Variants in NKAIN2 observed in about 807,000 individuals in gnomAD.
NKAIN2 encodes the protein sodium/potassium transporting ATPase interacting 2.
Under a neutral mutation model 32.6 loss-of-function variants are expected in NKAIN2, and 14 were observed. The observed-to-expected ratio is 0.43, with a 90% CI of 0.28 to 0.67. The LOEUF (loss-of-function observed/expected upper bound fraction) is 0.67. Among genes scored for constraint, NKAIN2 ranks in the 30% least tolerant of loss-of-function variants. The probability of loss-of-function intolerance (pLI) is 0.17; values close to 1 mark genes in which losing one functional copy is unlikely to be tolerated. For missense variants in NKAIN2, 198 were observed against 258.3 expected (o/e 0.77, Z 1.60); for synonymous variants, 80 against 87.2 (o/e 0.92, Z 0.46).
At chr6:124,696,556 T>C (rs1381983617) in intron 4 of NKAIN2, among the ~76,000 whole-genome samples, 1 of 152,120 alleles carries the variant, frequency 6.6e-6, no homozygotes, top group South Asian at 2.1e-4. Context: ...AAGCCTGATA[T>C]TGCCTCATAG....
chr6:124,302,086 T>TC (rs1796313704), intron 2 of NKAIN2, among the ~76,000 whole-genome samples: 1 of 152,122 alleles, frequency 6.6e-6, no homozygotes, highest in African/African-American at 2.4e-5. Context: ...GGGGGCCACT[T>TC]CCCCCATACT....
chr6:124,679,615 C>G (rs970538406), intron 4 of NKAIN2, among the ~76,000 whole-genome samples: 2 of 152,138 alleles, frequency 1.3e-5, no homozygotes, highest in Non-Finnish European at 2.9e-5. Context: ...AAGAATGGAT[C>G]CATGTGTTAG....
At chr6:124,273,551 A>G (rs954150834) in intron 1 of NKAIN2, among the ~76,000 whole-genome samples, 1 of 152,200 alleles carries the variant, frequency 6.6e-6, no homozygotes, top group African/African-American at 2.4e-5. Context: ...AGATATTAGC[A>G]TATATCATAG....
At chr6:124,450,393 T>C (rs1190598526) in intron 3 of NKAIN2, among the ~76,000 whole-genome samples, 2 of 152,050 alleles carry the variant, frequency 1.3e-5, no homozygotes, top group African/African-American at 4.8e-5. Context: ...TATTTTAATC[T>C]GAAAACTCCC....
At chr6:123,811,511 C>CG (rs1554208758) in intron 1 of NKAIN2, among the ~76,000 whole-genome samples, 3 of 151,926 alleles carry the variant, frequency 2.0e-5, no homozygotes, top group Admixed American at 6.6e-5. Context: ...TTTAATATAC[C>CG]AAGGAGCTTA....
chr6:124,032,266 TG>T (rs1249819605), intron 1 of NKAIN2, among the ~76,000 whole-genome samples: 8 of 61,896 alleles, frequency 1.3e-4, no homozygotes, highest in Admixed American at 2.5e-4. Flanking sequence ...TGTCGTGGGG[TG>T]GGGGGAGGGG....
chr6:124,402,994 C>G (rs1212756518), intron 3 of NKAIN2, among the ~76,000 whole-genome samples: 2 of 152,158 alleles, frequency 1.3e-5, no homozygotes, highest in Non-Finnish European at 2.9e-5. Context: ...CTTGACTCTT[C>G]TTGGTCCTTG....
At position 124,515,627 on chromosome 6, in the gene NKAIN2, CA is replaced by C. The variant is rs562869769; in HGVS notation, c.274-142558del. The stretch of plus-strand genomic sequence containing the variant: ...ACCCCCCATTAGGCTCCACCTACAA[CA>C]TTAGGGATCAGATTTCAACATGAGG... On this transcript the variant is annotated intron_variant, in intron 3 of 6. Coordinates refer to ENST00000368417, the MANE Select transcript of NKAIN2 (RefSeq NM_001040214.3). 1.7e-4 allele frequency among the ~76,000 whole-genome samples: 26 copies of C among 152,178 alleles called. No homozygotes were observed. The South Asian group carries it at 3.3e-3, about 19-fold the overall frequency.
intron 5 of NKAIN2, among the ~76,000 whole-genome samples, chr6:124,811,909 C>A (rs916200265): frequency 2.0e-5 from 3 of 151,986 alleles, no homozygotes; most frequent in African/African-American, 7.3e-5. Context: ...TTCAGAGAAC[C>A]AAAGGCAAAT....
chr6:123,807,392 T>C (rs1188054737), intron 1 of NKAIN2, among the ~76,000 whole-genome samples: 1 of 152,076 alleles, frequency 6.6e-6, no homozygotes. Flanking sequence ...AAGCTCATAA[T>C]CTCAAGAAGG....
chr6:123,853,766 A>G (rs1017516327), intron 1 of NKAIN2, among the ~76,000 whole-genome samples: 3 of 151,924 alleles, frequency 2.0e-5, no homozygotes, highest in African/African-American at 7.3e-5. Flanking sequence ...ATTGTAAAAG[A>G]TAAATTTCCT....
chr6:124,024,992 A>AAAAAT (rs1435234273), intron 1 of NKAIN2, among the ~76,000 whole-genome samples: 1 of 152,026 alleles, frequency 6.6e-6, no homozygotes, highest in African/African-American at 2.4e-5. Context: ...TCAAAAAAAA[A>AAAAAT]AAAGTGCTTT....
chr6:124,416,523 C>T (rs577351502), intron 3 of NKAIN2, among the ~76,000 whole-genome samples: 242 of 152,176 alleles, frequency 1.6e-3, no homozygotes, highest in Non-Finnish European at 2.5e-3. Context: ...CCTGTAGTCC[C>T]GGCTGCTTGG....
chr6:124,823,507 C>T lies in NKAIN2; in HGVS notation c.*278C>T. 2.4e-6 allele frequency: 1 copy of T among 412,480 alleles called. No homozygotes were observed. Among genetic ancestry groups the T allele is most frequent in the Non-Finnish European group, 4.4e-6 (1 of 227,510 alleles). The allele number at this position is 412,480 out of a possible 1,614,324, so 25.6% of individuals were successfully genotyped here. A position where few individuals can be genotyped will look rare whatever the true frequency, so the allele number is the denominator to read the frequency against. ...TTCCTGAAAGCAGGCCCCTTTCTCC[C>T]AGGCCTTCGGAAAGTTCAGAAGGAG... is the stretch of plus-strand genomic sequence containing the variant. On this transcript the variant is annotated 3_prime_UTR_variant, in exon 7 of 7. Coordinates refer to ENST00000368417, the MANE Select transcript of NKAIN2 (RefSeq NM_001040214.3).
At chr6:124,543,995 C>A (rs1398606773) in intron 3 of NKAIN2, among the ~76,000 whole-genome samples, 1 of 152,132 alleles carries the variant, frequency 6.6e-6, no homozygotes, top group Non-Finnish European at 1.5e-5. Flanking sequence ...CATCAAGGAG[C>A]AGATGCAGGC....
At chr6:124,625,119 CT>C (rs67865223) in intron 3 of NKAIN2, among the ~76,000 whole-genome samples, 35,676 of 151,914 alleles carry the variant, frequency 0.23, 4,744 homozygotes, top group Non-Finnish European at 0.3. Context: ...TGTTTGCCCC[CT>C]GTCTTCCTGA....
intron 1 of NKAIN2, among the ~76,000 whole-genome samples, chr6:123,938,647 T>A (rs979930388): frequency 6.9e-6 from 1 of 145,912 alleles, no homozygotes; most frequent in African/African-American, 2.5e-5. Context: ...TATATAATTT[T>A]TTCCCTATGG....
intron 1 of NKAIN2, among the ~76,000 whole-genome samples, chr6:123,843,289 T>C (rs919121798): frequency 2.6e-5 from 4 of 152,138 alleles, no homozygotes; most frequent in African/African-American, 9.7e-5. Flanking sequence ...GAGAGTTTTA[T>C]TGAGCAATGG....
At chr6:124,062,740 T>C (rs1254842381) in intron 1 of NKAIN2, among the ~76,000 whole-genome samples, 1 of 152,188 alleles carries the variant, frequency 6.6e-6, no homozygotes, top group African/African-American at 2.4e-5. Flanking sequence ...ATCCTCTCTA[T>C]GACTTTTGAC....
Sources: allele counts gnomAD v4.1 joint callset (sites outside exome capture counted in the v4.1 genomes callset), GRCh38; gene constraint gnomAD v4.1.1; transcripts MANE v1.5; gene names NCBI Gene and HGNC (gene_info 2026-07-23, HGNC 2026-07-21).